The following SYN3 variants were observed in gnomAD, a reference collection of about 807,000 sequenced individuals.
SYN3 encodes the protein synapsin III, also known as synapsin-3.
In SYN3, 35 loss-of-function variants were observed where a neutral mutation model predicts 65.8. The ratio of observed to expected loss-of-function variants is 0.53; its 90% CI spans 0.41 to 0.70. SYN3 has a LOEUF of 0.70. Ranked by LOEUF, SYN3 falls within the 30% of genes least tolerant of loss-of-function variation. SYN3 has a pLI of 0.00. For synonymous variants in SYN3, 270 were observed against 292.9 expected, an observed-to-expected ratio of 0.92 and a Z score of 0.80; for missense variants, 680 against 749.0, an observed-to-expected ratio of 0.91 and a Z score of 1.08.
chr22:32,663,679 G>T (rs5749482), intron 6 of SYN3, among the ~76,000 whole-genome samples: 1 of 151,962 alleles, frequency 6.6e-6, no homozygotes, highest in African/African-American at 2.4e-5. Flanking sequence ...ACAGCATGTA[G>T]GAACTATGAA....
chr22:32,542,770 G>A (rs1262090840), intron 7 of SYN3, among the ~76,000 whole-genome samples: 2 of 151,840 alleles, frequency 1.3e-5, no homozygotes, highest in Admixed American at 6.6e-5. Context: ...CCTGGGCTTG[G>A]GGAGAGGTCC....
At chr22:32,541,807 A>T (rs1354448904) in intron 7 of SYN3, 94 bp from the exon 8 acceptor site, 6 of 1,441,090 alleles carry the variant, frequency 4.2e-6, no homozygotes, top group Non-Finnish European at 5.6e-6. Flanking sequence ...ATAGACACGA[A>T]TTCCCTTCAG....
intron 5 of SYN3, among the ~76,000 whole-genome samples, chr22:32,867,668 C>T (rs1486929773): frequency 6.6e-6 from 1 of 152,142 alleles, no homozygotes; most frequent in Middle Eastern, 3.2e-3. Context: ...CTGCAACCTC[C>T]ACCTCCTGGG....
intron 3 of SYN3, among the ~76,000 whole-genome samples, chr22:32,957,803 T>C (rs2051512971): frequency 6.6e-6 from 1 of 152,224 alleles, no homozygotes; most frequent in Non-Finnish European, 1.5e-5. Context: ...GTTGTTTCCC[T>C]GATCCCTTTT....
At chr22:33,039,376 C>CTTT (rs59092244) in intron 1 of SYN3, among the ~76,000 whole-genome samples, 3 of 135,232 alleles carry the variant, frequency 2.2e-5, no homozygotes, top group South Asian at 2.4e-4. Context: ...TCAAATGTGA[C>CTTT]TTTTTTTTTT....
At chr22:32,686,039 C>A (rs2060584162) in intron 6 of SYN3, among the ~76,000 whole-genome samples, 1 of 152,164 alleles carries the variant, frequency 6.6e-6, no homozygotes, top group African/African-American at 2.4e-5. Context: ...ACCCCAATTT[C>A]ATGGCGATTT....
chr22:32,945,348 G>A (rs1243534908), intron 3 of SYN3, among the ~76,000 whole-genome samples: 4 of 152,138 alleles, frequency 2.6e-5, no homozygotes, highest in Non-Finnish European at 5.9e-5. Context: ...CAGAGATATA[G>A]ACCAATGGAA....
At position 32,644,101 on chromosome 22, in the gene SYN3, A is replaced by AAAAAAAAAGAG. The variant is rs368236821; in HGVS notation, c.712-47366_712-47365insCTCTTTTTTTT. 2.0e-4 allele frequency among the ~76,000 whole-genome samples: 14 copies of AAAAAAAAAGAG among 71,226 alleles called. 3 individuals carry two copies. Among genetic ancestry groups the AAAAAAAAAGAG allele is most frequent in the African/African-American group, 4.9e-4 (9 of 18,348 alleles). The allele number at this position is 71,226 out of a possible 152,430, so 46.7% of individuals were successfully genotyped here. ...AAAAAAAAAAAAAAAAAAAAAAAAA[A>AAAAAAAAAGAG]AGCGACAAGACTGACTGATGATGGG... is the stretch of plus-strand genomic sequence containing the variant. On this transcript the variant is annotated intron_variant, in intron 6 of 13. Transcript: ENST00000358763.
chr22:32,852,246 C>T (rs923017669), intron 6 of SYN3, among the ~76,000 whole-genome samples: 1 of 152,138 alleles, frequency 6.6e-6, no homozygotes, highest in African/African-American at 2.4e-5. Flanking sequence ...GGGTCTTTGC[C>T]TATAAGGAGA....
Position 32,837,799 on chromosome 22 carries a change from T to C in SYN3, c.711+27116A>G, listed in dbSNP as rs1256853731. ...ACCTAAGAAATGGCACTGTCCCATG[T>C]TGGAGCAAGACCCAACCTACCAAGC... On this transcript the variant is annotated intron_variant, in intron 6 of 13. Transcript: ENST00000358763. The surrounding 1 kb of genome is among the most constrained non-coding windows in gnomAD (Gnocchi z 4.1). 6.6e-6 allele frequency among the ~76,000 whole-genome samples: 1 copy of C among 152,130 alleles called. No homozygotes were observed. The highest frequency in any genetic ancestry group is 1.5e-5 in the Non-Finnish European group (1 of 68,024).
At chr22:32,536,468 A>G (rs2058167899) in intron 9 of SYN3, among the ~76,000 whole-genome samples, 2 of 152,204 alleles carry the variant, frequency 1.3e-5, no homozygotes, top group African/African-American at 4.8e-5. Flanking sequence ...AGAAGCTCAG[A>G]AAGCATGAGC....
At chr22:32,703,131 A>C (rs1249656482) in intron 6 of SYN3, among the ~76,000 whole-genome samples, 1 of 152,188 alleles carries the variant, frequency 6.6e-6, no homozygotes, top group Admixed American at 6.5e-5. Context: ...TTCTTGAAAA[A>C]GTTATCACTA....
chr22:32,883,753 A>C (rs2049209901), intron 4 of SYN3, among the ~76,000 whole-genome samples: 1 of 152,222 alleles, frequency 6.6e-6, no homozygotes, highest in Non-Finnish European at 1.5e-5. Flanking sequence ...CTGAGCATCT[A>C]TTATGTGAAA....
At chr22:32,737,261 G>A (rs2061346727) in intron 6 of SYN3, among the ~76,000 whole-genome samples, 1 of 152,166 alleles carries the variant, frequency 6.6e-6, no homozygotes, top group Admixed American at 6.5e-5. Context: ...AAAGGAAACT[G>A]AGGGTTGGTG....
intron 6 of SYN3, among the ~76,000 whole-genome samples, chr22:32,789,044 C>T (rs988979808): frequency 1.3e-5 from 2 of 152,242 alleles, no homozygotes; most frequent in Admixed American, 1.3e-4. Flanking sequence ...ATTGCTGGGC[C>T]CCCCTCCAGC....
chr22:33,036,997 A>G (rs1360502449), intron 1 of SYN3, among the ~76,000 whole-genome samples: 1 of 152,118 alleles, frequency 6.6e-6, no homozygotes, highest in African/African-American at 2.4e-5. Flanking sequence ...GGCCAAGCCC[A>G]AGTTCCAATC....
At chr22:32,661,778 A>C (rs2060220822) in intron 6 of SYN3, among the ~76,000 whole-genome samples, 2 of 152,166 alleles carry the variant, frequency 1.3e-5, no homozygotes, top group African/African-American at 4.8e-5. Flanking sequence ...ATCTGGGAGA[A>C]AACTTAGAGT....
At chr22:32,519,468 A>G (rs1346539505) in intron 12 of SYN3, 1 of 152,188 alleles carries the variant, frequency 6.6e-6, no homozygotes, top group African/African-American at 2.4e-5. Context: ...TAGGGAAGAT[A>G]CCATTCTTCT....
chr22:32,861,168 C>G (rs1375143197), intron 6 of SYN3: 1 of 110,420 alleles, frequency 9.1e-6, no homozygotes. Flanking sequence ...CCAATTGAAA[C>G]AGAAGAAGAA....
Sources: allele counts gnomAD v4.1 joint callset (sites outside exome capture counted in the v4.1 genomes callset), GRCh38; gene constraint gnomAD v4.1.1; non-coding constraint Gnocchi (gnomAD v3.1); transcripts MANE v1.5; gene names NCBI Gene and HGNC (gene_info 2026-07-23, HGNC 2026-07-21).